The following GRIN2A variants were observed in gnomAD, a reference collection of about 807,000 sequenced individuals.
GRIN2A encodes the protein glutamate receptor ionotropic, NMDA 2A.
GRIN2A carries 22 observed loss-of-function variants against 113.4 expected under a neutral mutation model. The ratio of observed to expected loss-of-function variants is 0.19; its 90% CI spans 0.14 to 0.28. The LOEUF (loss-of-function observed/expected upper bound fraction) is 0.28, where lower values mean the gene tolerates loss of function less well. Among genes scored for constraint, GRIN2A ranks in the 10% least tolerant of loss-of-function variants. The probability of loss-of-function intolerance (pLI) is 1.00; values close to 1 mark genes in which losing one functional copy is unlikely to be tolerated. For synonymous variants in GRIN2A, 827 were observed against 738.4 expected (o/e 1.12, Z -1.94); for missense variants, 1,502 against 1,887.0 (o/e 0.80, Z 3.78).
intron 4 of GRIN2A, among the ~76,000 whole-genome samples, chr16:9,872,374 CTT>C (rs1462946173): frequency 6.6e-6 from 1 of 152,172 alleles, no homozygotes; most frequent in Non-Finnish European, 1.5e-5. Context: ...GCTGTTCTCT[CTT>C]TGTCTACGTA....
intron 2 of GRIN2A, among the ~76,000 whole-genome samples, chr16:10,056,781 G>T (rs1306288304): frequency 6.6e-6 from 1 of 152,124 alleles, no homozygotes; most frequent in African/African-American, 2.4e-5. Flanking sequence ...AGATGCAGGG[G>T]AGGGTCTTCC....
chr16:9,811,172 G>A (rs966234251), intron 10 of GRIN2A, among the ~76,000 whole-genome samples: 1 of 152,132 alleles, frequency 6.6e-6, no homozygotes, highest in Non-Finnish European at 1.5e-5. Context: ...GAGCAACTTC[G>A]CATCTCCTAA....
intron 2 of GRIN2A, among the ~76,000 whole-genome samples, chr16:9,948,327 T>C (rs952627970): frequency 6.6e-6 from 1 of 152,208 alleles, no homozygotes; most frequent in Non-Finnish European, 1.5e-5. Flanking sequence ...AAGAATCACC[T>C]TGGATCTTGT....
chr16:10,059,765 AG>A (rs1382005682), intron 2 of GRIN2A, among the ~76,000 whole-genome samples: 1 of 150,228 alleles, frequency 6.7e-6, no homozygotes, highest in African/African-American at 2.4e-5. Flanking sequence ...GGGTGGTGAG[AG>A]GTAAGAGGTA....
At chr16:9,829,357 C>G (rs1441237694) in intron 9 of GRIN2A, 66 bp downstream of exon 9, 16 of 1,005,086 alleles carry the variant, frequency 1.6e-5, no homozygotes, top group South Asian at 1.0e-4. Flanking sequence ...ACCTGAATCT[C>G]TTCCTCCTGA....
intron 3 of GRIN2A, among the ~76,000 whole-genome samples, chr16:9,895,309 T>C (rs1216948327): frequency 1.3e-5 from 2 of 152,192 alleles, no homozygotes; most frequent in African/African-American, 4.8e-5. Context: ...CAGCTCTTGC[T>C]CATGCACATG....
At chr16:9,882,979 A>G (rs1320159123) in intron 4 of GRIN2A, among the ~76,000 whole-genome samples, 1 of 152,138 alleles carries the variant, frequency 6.6e-6, no homozygotes, top group Non-Finnish European at 1.5e-5. Context: ...GTTGTTCCAC[A>G]TGATGTAGTG....
chr16:9,897,803 T>C (rs2141503675), intron 3 of GRIN2A, among the ~76,000 whole-genome samples: 1 of 152,320 alleles, frequency 6.6e-6, no homozygotes, highest in African/African-American at 2.4e-5. Flanking sequence ...CTTTTGCTTT[T>C]GTTTTTAACT....
intron 2 of GRIN2A, among the ~76,000 whole-genome samples, chr16:10,074,134 A>G (rs1388513163): frequency 6.6e-6 from 1 of 152,252 alleles, no homozygotes; most frequent in Non-Finnish European, 1.5e-5. Context: ...TATGCTCAAT[A>G]CAAACAGTGA....
chr16:10,002,904 A>G (rs184880869), intron 2 of GRIN2A, among the ~76,000 whole-genome samples: 1 of 152,284 alleles, frequency 6.6e-6, no homozygotes, highest in East Asian at 1.9e-4. Flanking sequence ...CCTTTAGGAG[A>G]AAGGCAATTT....
chr16:10,148,612 G>A (rs967756290), intron 2 of GRIN2A, among the ~76,000 whole-genome samples: 3 of 152,124 alleles, frequency 2.0e-5, no homozygotes, highest in East Asian at 1.9e-4. Flanking sequence ...TCTTCTCTGC[G>A]TCTTCCCCAT....
At chr16:9,971,202 C>T (rs2045663057) in intron 2 of GRIN2A, among the ~76,000 whole-genome samples, 1 of 152,220 alleles carries the variant, frequency 6.6e-6, no homozygotes, top group Non-Finnish European at 1.5e-5. Context: ...CTGACCAGCA[C>T]AGTGACTATG....
chr16:10,136,629 C>G (rs1457834609), intron 2 of GRIN2A, among the ~76,000 whole-genome samples: 1 of 152,122 alleles, frequency 6.6e-6, no homozygotes, highest in Non-Finnish European at 1.5e-5. Flanking sequence ...TTTTCCTCCC[C>G]CATTTTTCTT....
chr16:10,144,123 A>C (rs2049382763), intron 2 of GRIN2A, among the ~76,000 whole-genome samples: 1 of 152,170 alleles, frequency 6.6e-6, no homozygotes, highest in Non-Finnish European at 1.5e-5. Context: ...GCTGGATCAT[A>C]AGATAGTTCC....
rs115985313 is a variant in GRIN2A at position 10,085,026 on chromosome 16, C to T, written c.414+94972G>A. Among the ~76,000 whole-genome samples, 1,300 of 152,292 alleles carry T rather than the reference C, an allele frequency of 8.5e-3. 21 individuals are homozygous for T. The highest frequency in any genetic ancestry group is 0.03 in the African/African-American group (1,228 of 41,550). On this transcript the variant is annotated intron_variant, in intron 2 of 12. Coordinates refer to ENST00000330684, the MANE Select transcript of GRIN2A (RefSeq NM_001134407.3). ...TTAACTCATATAATCCCTGCAACAA[C>T]TCCCTGAGCTAGGTACTGTTGTCAT...
intron 4 of GRIN2A, among the ~76,000 whole-genome samples, chr16:9,885,574 C>T (rs566913411): frequency 5.0e-4 from 76 of 152,338 alleles, no homozygotes; most frequent in Admixed American, 7.8e-4. Context: ...GTCGTGTTTT[C>T]CCAGACACCC....
chr16:9,855,088 A>G (rs141113613), intron 4 of GRIN2A, among the ~76,000 whole-genome samples: 111 of 152,044 alleles, frequency 7.3e-4, no homozygotes, highest in African/African-American at 2.6e-3. Flanking sequence ...CATCAACTTC[A>G]TTGCTACAGA....
intron 2 of GRIN2A, among the ~76,000 whole-genome samples, chr16:10,105,150 A>T (rs1205980546): frequency 6.6e-6 from 1 of 151,986 alleles, no homozygotes; most frequent in Non-Finnish European, 1.5e-5. Flanking sequence ...AAGCCTGGAG[A>T]AGCCTGGAGA....
chr16:9,783,116 A>G (rs1397192522), intron 11 of GRIN2A, among the ~76,000 whole-genome samples: 6 of 152,224 alleles, frequency 3.9e-5, no homozygotes, highest in Non-Finnish European at 5.9e-5. Context: ...TCTGATGTCT[A>G]TATCATCAGT....
Sources: gnomAD v4.1 joint callset for allele counts (sites outside exome capture counted in the v4.1 genomes callset) on GRCh38, gnomAD v4.1.1 for gene constraint, MANE v1.5 for transcripts, NCBI Gene and HGNC (gene_info 2026-07-23, HGNC 2026-07-21) for gene names.